GREB1: variants seen among roughly 807,000 people sequenced by gnomAD.
GREB1 encodes the protein growth regulating estrogen receptor binding 1.
GREB1 carries 106 observed loss-of-function variants against 200.7 expected under a neutral mutation model. That is an observed-to-expected ratio of 0.53 (90% CI 0.45 to 0.62). The LOEUF is 0.62. GREB1 is among the 20% of genes least tolerant of loss of function. GREB1 has a pLI of 0.00. For missense variants in GREB1, 2,243 were observed against 2,556.8 expected (o/e 0.88, Z 2.65); for synonymous variants, 1,132 against 1,092.4 (o/e 1.04, Z -0.72).
chr2:11,545,359 C>G (rs1025403886), intron 1 of GREB1, among the ~76,000 whole-genome samples: 1 of 152,106 alleles, frequency 6.6e-6, no homozygotes, highest in Non-Finnish European at 1.5e-5. Flanking sequence ...CTCGAATCTC[C>G]TGACTCAGGT....
rs1357573434 is a variant in GREB1, at chr2:11,641,855, T to G, written c.*1401T>G. On this transcript the variant is annotated 3_prime_UTR_variant, in exon 33 of 33. Coordinates refer to ENST00000381486, the MANE Select transcript of GREB1 (RefSeq NM_014668.4). ...GGCGCCTGGACAGTGATCATCTTGT[T>G]CATCTTGTTCAGTCCTTTCTTGTGT... is the stretch of plus-strand genomic sequence containing the variant. 2.6e-5 allele frequency: 4 copies of G among 152,232 alleles called. No individual in the cohort carries two copies. The highest frequency in any genetic ancestry group is 5.9e-5 in the Non-Finnish European group (4 of 68,066). The allele number at this position is 152,232 out of a possible 1,614,324, so 9.4% of individuals were successfully genotyped here.
At chr2:11,562,374 C>T (rs950700503) in intron 2 of GREB1, 89 bp from the exon 3 acceptor site, 11 of 1,554,126 alleles carry the variant, frequency 7.1e-6, no homozygotes, top group African/African-American at 2.8e-5. Flanking sequence ...CTTGTTGAGC[C>T]TGAGAATGCA....
At chr2:11,494,785 TAATC>T (rs1428593391) in intron 1 of GREB1, among the ~76,000 whole-genome samples, 4 of 152,318 alleles carry the variant, frequency 2.6e-5, no homozygotes, top group Non-Finnish European at 5.9e-5. Flanking sequence ...GGGTCAGTAA[TAATC>T]AACACCCATG....
Position 11,618,858 on chromosome 2 carries a change from G to T in GREB1, c.3983G>T (p.Arg1328Leu). Residue 1328 changes from arginine to leucine, a missense_variant, in exon 22 of 33, where the codon CGG becomes CTG. Arg to Leu is a moderately radical substitution (Grantham distance 102). Coordinates refer to ENST00000381486, the MANE Select transcript of GREB1 (RefSeq NM_014668.4). ...CCCAGCCACATGGACTACGGCAACCGGGCCGAGGGCCGCGTGGACGGCTTC... is the reference window on the plus strand; with the variant it reads ...CCCAGCCACATGGACTACGGCAACCTGGCCGAGGGCCGCGTGGACGGCTTC... Reference protein sequence around the residue: ...PRPSHMDYGNRAEGRVDGFHP... With the variant: ...PRPSHMDYGNLAEGRVDGFHP... 6.3e-7 allele frequency: 1 copy of T among 1,589,100 alleles called. No individual in the cohort carries two copies. The highest frequency in any genetic ancestry group is 1.1e-5 in the South Asian group (1 of 88,690).
intron 15 of GREB1, among the ~76,000 whole-genome samples, chr2:11,600,465 A>G (rs1288023907): frequency 6.6e-6 from 1 of 152,194 alleles, no homozygotes; most frequent in African/African-American, 2.4e-5. Flanking sequence ...ACACAATCAG[A>G]TGGGGCCAAA....
At position 11,570,523 on chromosome 2, in the gene GREB1, CT is replaced by C. The variant is rs35756449; in HGVS notation, c.454+3879del. On this transcript the variant is annotated intron_variant, in intron 4 of 32. Transcript: ENST00000381486. ...AGGGTGTTCGAATTGTTATCTTATA[CT>C]TTTTTTTTTTTAAAGCAATTGGTGC... 4.4e-3 allele frequency among the ~76,000 whole-genome samples: 637 copies of C among 143,350 alleles called. 3 individuals carry two copies. Among genetic ancestry groups the C allele is most frequent in the East Asian group, 0.019 (93 of 4,970 alleles). 94.0% of individuals were successfully genotyped at this position (143,350 alleles called of 152,430 possible).
intron 1 of GREB1, among the ~76,000 whole-genome samples, chr2:11,507,927 C>T (rs1210880125): frequency 6.6e-6 from 1 of 152,190 alleles, no homozygotes; most frequent in Non-Finnish European, 1.5e-5. Flanking sequence ...CTTTAATTCT[C>T]TCCATTAACT....
At position 11,638,660 on chromosome 2, in the gene GREB1, T is replaced by G; in HGVS notation, c.5548-11T>G. On this transcript the variant is annotated splice_polypyrimidine_tract_variant and intron_variant, in intron 31 of 32. Transcript: ENST00000381486. Reference sequence around the variant, plus strand: ...AAAACGGTGCCCTCTCTTGGATTTCTTCTTTTTCAGATTTCTGTTTGCTAT... The same window carrying G: ...AAAACGGTGCCCTCTCTTGGATTTCGTCTTTTTCAGATTTCTGTTTGCTAT... 6.2e-7 allele frequency: 1 copy of G among 1,610,282 alleles called. No homozygotes were observed. Among genetic ancestry groups the G allele is most frequent in the Non-Finnish European group, 8.5e-7 (1 of 1,179,074 alleles).
Position 11,610,659 on chromosome 2 carries a change from C to T in GREB1, c.2667-29C>T, listed in dbSNP as rs769651056. 3.9e-6 allele frequency: 6 copies of T among 1,554,692 alleles called. No homozygotes were observed. The South Asian group carries it at 7.0e-5, about 18-fold the overall frequency. On this transcript the variant is annotated intron_variant, in intron 17 of 32. Coordinates refer to ENST00000381486, the MANE Select transcript of GREB1 (RefSeq NM_014668.4). ...AGCAGGCCGGTGGGCGCGGCCGTCA[C>T]AGACATGGTCTCTCTGTGTTCCTTG...
chr2:11,519,921 T>C (rs537313809), intron 1 of GREB1, among the ~76,000 whole-genome samples: 84 of 152,152 alleles, frequency 5.5e-4, no homozygotes, highest in Non-Finnish European at 1.1e-3. Context: ...GTGGACTGCT[T>C]GAGCCCAGGA....
intron 9 of GREB1, 128 bp from the exon 10 acceptor site, chr2:11,588,617 CA>C (rs1461122253): frequency 1.2e-6 from 1 of 851,112 alleles, no homozygotes; most frequent in East Asian, 2.5e-5. Flanking sequence ...CTTCCCAGGA[CA>C]GGGCACTCGA....
At chr2:11,503,598 G>A (rs540071101) in intron 1 of GREB1, among the ~76,000 whole-genome samples, 10 of 152,150 alleles carry the variant, frequency 6.6e-5, no homozygotes, top group Admixed American at 5.2e-4. Context: ...GCTCGCTAGC[G>A]TGGCCAGACT....
chr2:11,576,328 G>A (rs1558570618), intron 4 of GREB1, 25 bp from the exon 5 acceptor site: 3 of 1,559,036 alleles, frequency 1.9e-6, no homozygotes, highest in Non-Finnish European at 2.6e-6. Flanking sequence ...AAAGAAAGAT[G>A]TTTATGGTTT....
Position 11,492,470 on chromosome 2 carries a change from G to A in GREB1, c.-159+10089G>A, listed in dbSNP as rs1385542361. ...TTGGGAGCTCAGCTGTGTTATCACA[G>A]TCTGTGATCTGGAGCCGGCTTTGCA... On this transcript the variant is annotated intron_variant, in intron 1 of 2. Coordinates refer to the GREB1 transcript ENST00000628795. The surrounding 1 kb of genome is among the most constrained non-coding windows in gnomAD (Gnocchi z 4.0). Among the ~76,000 whole-genome samples the A allele has an allele frequency of 6.6e-6, 1 of 152,170 alleles. No individual in the cohort carries two copies. The highest frequency in any genetic ancestry group is 6.5e-5 in the Admixed American group (1 of 15,288).
At chr2:11,617,691 A>G (rs1308334358) in intron 21 of GREB1, among the ~76,000 whole-genome samples, 1 of 151,918 alleles carries the variant, frequency 6.6e-6, no homozygotes, top group Non-Finnish European at 1.5e-5. Flanking sequence ...GGGTGCGGGG[A>G]CGGGTGTGTG....
intron 1 of GREB1, among the ~76,000 whole-genome samples, chr2:11,504,580 C>G (rs1008469561): frequency 4.6e-5 from 7 of 152,162 alleles, no homozygotes; most frequent in Non-Finnish European, 7.3e-5. Context: ...TACTTTCTGT[C>G]TCTATGGATT....
chr2:11,573,699 A>G (rs1678545356), intron 4 of GREB1, among the ~76,000 whole-genome samples: 1 of 152,218 alleles, frequency 6.6e-6, no homozygotes, highest in Non-Finnish European at 1.5e-5. Context: ...GCCAAAGCAG[A>G]AAAGCAGTTT....
chr2:11,612,460 C>T (rs772415615), intron 18 of GREB1, 35 bp from the exon 19 acceptor site: 71 of 1,540,096 alleles, frequency 4.6e-5, no homozygotes, highest in South Asian at 1.0e-4. Flanking sequence ...GGAAGGGAGG[C>T]GTCTGTGGCT....
At chr2:11,538,686 T>TTTCTTTCTTTCTTTCTTTCC (rs1674439416) in intron 1 of GREB1, among the ~76,000 whole-genome samples, 1 of 38,666 alleles carries the variant, frequency 2.6e-5, no homozygotes, top group East Asian at 8.8e-4. Flanking sequence ...TCTTTCTTTC[T>TTTCTTTCTTTCTTTCTTTCC]TTCCTTCCTC....
Sources: allele counts gnomAD v4.1 joint callset (sites outside exome capture counted in the v4.1 genomes callset), GRCh38; gene constraint gnomAD v4.1.1; non-coding constraint Gnocchi (gnomAD v3.1); transcripts MANE v1.5; gene names NCBI Gene and HGNC (gene_info 2026-07-23, HGNC 2026-07-21).